The following MGAT4C variants were observed in gnomAD, a reference collection of about 807,000 sequenced individuals.
MGAT4C encodes alpha-1,3-mannosyl-glycoprotein 4-beta-N-acetylglucosaminyltransferase C.
In MGAT4C, 19 loss-of-function variants were observed where a neutral mutation model predicts 40.1. The ratio of observed to expected loss-of-function variants is 0.47; its 90% CI spans 0.33 to 0.70. The LOEUF is 0.70. Among genes scored for constraint, MGAT4C ranks in the 30% least tolerant of loss-of-function variants. The pLI, the probability that MGAT4C is intolerant of heterozygous loss-of-function variation, is 0.02. For missense variants in MGAT4C, 491 were observed against 563.2 expected (o/e 0.87, Z 1.30); for synonymous variants, 181 against 187.1 (o/e 0.97, Z 0.27).
At chr12:86,646,775 A>G (rs1307363235) in intron 2 of MGAT4C, among the ~76,000 whole-genome samples, 1 of 151,992 alleles carries the variant, frequency 6.6e-6, no homozygotes, top group Non-Finnish European at 1.5e-5. Flanking sequence ...AGGAATTTAT[A>G]TCTCTATGTC....
At chr12:86,224,278 T>C (rs1170279329) in intron 1 of MGAT4C, among the ~76,000 whole-genome samples, 1 of 152,094 alleles carries the variant, frequency 6.6e-6, no homozygotes, top group Non-Finnish European at 1.5e-5. Context: ...CAATTCTAAA[T>C]ACACTGGAGT....
At chr12:86,792,804 A>C (rs933955663) in intron 1 of MGAT4C, among the ~76,000 whole-genome samples, 1 of 152,012 alleles carries the variant, frequency 6.6e-6, no homozygotes, top group Admixed American at 6.6e-5. Flanking sequence ...GGTGGCGGAC[A>C]CCTGTAATCC....
At chr12:86,780,080 T>A (rs1321731340) in intron 1 of MGAT4C, among the ~76,000 whole-genome samples, 2 of 152,066 alleles carry the variant, frequency 1.3e-5, no homozygotes, top group Admixed American at 1.3e-4. Context: ...TATAGACTTA[T>A]ATTCAACCTC....
chr12:86,381,627 A>C (rs1167330721), intron 3 of MGAT4C, among the ~76,000 whole-genome samples: 1 of 152,180 alleles, frequency 6.6e-6, no homozygotes, highest in Non-Finnish European at 1.5e-5. Context: ...CACACACACA[A>C]AAATGCTTTA....
At chr12:86,005,826 T>G (rs1781185454) in intron 2 of MGAT4C, among the ~76,000 whole-genome samples, 1 of 152,198 alleles carries the variant, frequency 6.6e-6, no homozygotes. Flanking sequence ...TCAAATCTAA[T>G]GAGACCAGAT....
chr12:86,824,847 C>A (rs1952775997), intron 1 of MGAT4C, among the ~76,000 whole-genome samples: 1 of 147,494 alleles, frequency 6.8e-6, no homozygotes, highest in Admixed American at 6.8e-5. Context: ...TTTTGTAGAG[C>A]CTTTACTGCT....
chr12:86,821,388 A>G (rs1952704086), intron 1 of MGAT4C, among the ~76,000 whole-genome samples: 2 of 150,888 alleles, frequency 1.3e-5, no homozygotes, highest in East Asian at 1.9e-4. Flanking sequence ...ATAATTTTGC[A>G]TACTTATGGA....
At chr12:86,289,054 T>C (rs1480001417) in intron 4 of MGAT4C, among the ~76,000 whole-genome samples, 1 of 152,186 alleles carries the variant, frequency 6.6e-6, no homozygotes, top group African/African-American at 2.4e-5. Flanking sequence ...GGTTTTGTAT[T>C]GAAATCATTA....
intron 1 of MGAT4C, among the ~76,000 whole-genome samples, chr12:86,808,749 G>A (rs1026054974): frequency 2.0e-5 from 3 of 151,774 alleles, no homozygotes; most frequent in African/African-American, 7.3e-5. Context: ...CCCCTCCTAC[G>A]CAACATAGCA....
At chr12:86,170,432 A>G (rs1566084387) in intron 1 of MGAT4C, among the ~76,000 whole-genome samples, 1 of 152,200 alleles carries the variant, frequency 6.6e-6, no homozygotes, top group Non-Finnish European at 1.5e-5. Flanking sequence ...TGTCATTAAC[A>G]CATTGTTAAT....
At chr12:86,335,431 T>A (rs999785088) in intron 3 of MGAT4C, among the ~76,000 whole-genome samples, 1 of 151,832 alleles carries the variant, frequency 6.6e-6, no homozygotes, top group Non-Finnish European at 1.5e-5. Flanking sequence ...TATGGGAGAG[T>A]ATAAGCCTAA....
chr12:86,404,874 T>A (rs1956434208), intron 3 of MGAT4C, among the ~76,000 whole-genome samples: 1 of 152,106 alleles, frequency 6.6e-6, no homozygotes, highest in African/African-American at 2.4e-5. Context: ...TCAAATTTAA[T>A]TCAGTTACAA....
intron 2 of MGAT4C, among the ~76,000 whole-genome samples, chr12:86,696,750 C>T (rs1446358847): frequency 6.6e-6 from 1 of 152,114 alleles, no homozygotes; most frequent in East Asian, 1.9e-4. Context: ...CAAAATAACA[C>T]TGGTCATGTG....
At chr12:86,083,846 G>T (rs956225148) in intron 1 of MGAT4C, among the ~76,000 whole-genome samples, 8 of 152,006 alleles carry the variant, frequency 5.3e-5, no homozygotes, top group African/African-American at 1.7e-4. Context: ...TTGGCAAGTT[G>T]CAAAAAGAGA....
At chr12:86,569,438 T>C (rs1434374895) in intron 2 of MGAT4C, among the ~76,000 whole-genome samples, 1 of 152,060 alleles carries the variant, frequency 6.6e-6, no homozygotes, top group Non-Finnish European at 1.5e-5. Flanking sequence ...TGACATCACT[T>C]ATCATCAGAG....
intron 1 of MGAT4C, among the ~76,000 whole-genome samples, chr12:86,071,517 C>G (rs1868458531): frequency 6.6e-6 from 1 of 152,008 alleles, no homozygotes; most frequent in Non-Finnish European, 1.5e-5. Context: ...TAAGAACATA[C>G]TTTTATGGTT....
intron 1 of MGAT4C, among the ~76,000 whole-genome samples, chr12:86,755,247 C>T (rs932370181): frequency 2.6e-5 from 4 of 152,284 alleles, no homozygotes; most frequent in Admixed American, 2.6e-4. Flanking sequence ...CATGAGTTTT[C>T]TGCTGAATGG....
At chr12:86,052,265 A>AT (rs994551678) in intron 1 of MGAT4C, among the ~76,000 whole-genome samples, 2 of 151,756 alleles carry the variant, frequency 1.3e-5, no homozygotes, top group Admixed American at 6.6e-5. Context: ...AAATTTTTTC[A>AT]TTAAAAAAAA....
intron 4 of MGAT4C, among the ~76,000 whole-genome samples, chr12:86,307,681 G>A (rs1342134469): frequency 1.3e-5 from 2 of 150,138 alleles, no homozygotes; most frequent in Admixed American, 1.3e-4. Context: ...GCTTGTTTGA[G>A]TACAATTTCT....
Sources: allele counts gnomAD v4.1 joint callset (sites outside exome capture counted in the v4.1 genomes callset), GRCh38; gene constraint gnomAD v4.1.1; transcripts MANE v1.5; gene names NCBI Gene and HGNC (gene_info 2026-07-23, HGNC 2026-07-21).